ANGPT1: variants seen among roughly 807,000 people sequenced by gnomAD.
The protein encoded by ANGPT1 is angiopoietin 1.
Under a neutral mutation model 62.2 loss-of-function variants are expected in ANGPT1, and 17 were observed. The ratio of observed to expected loss-of-function variants is 0.27; its 90% CI spans 0.19 to 0.41. ANGPT1 has a LOEUF of 0.41. ANGPT1 is among the 10% of genes least tolerant of loss of function. The probability of loss-of-function intolerance (pLI) is 1.00; values close to 1 mark genes in which losing one functional copy is unlikely to be tolerated. For synonymous variants in ANGPT1, 199 were observed against 198.9 expected, an observed-to-expected ratio of 1.00 and a Z score of 0.00; for missense variants, 478 against 594.9, an observed-to-expected ratio of 0.80 and a Z score of 2.04.
intron 1 of ANGPT1, among the ~76,000 whole-genome samples, chr8:107,456,529 T>C (rs986357277): frequency 7.9e-5 from 12 of 152,088 alleles, no homozygotes; most frequent in Non-Finnish European, 1.3e-4. Context: ...ACTAGCTCAA[T>C]TTCTTCTTCA....
intron 1 of ANGPT1, among the ~76,000 whole-genome samples, chr8:107,414,257 C>T (rs886313805): frequency 2.0e-5 from 3 of 151,878 alleles, no homozygotes; most frequent in Non-Finnish European, 1.5e-5. Context: ...CCACATTGAT[C>T]CAGAGATTTA....
At chr8:107,318,094 A>G (rs186574843) in intron 4 of ANGPT1, among the ~76,000 whole-genome samples, 110 of 152,334 alleles carry the variant, frequency 7.2e-4, no homozygotes, top group African/African-American at 2.5e-3. Context: ...GAGCTTTGAC[A>G]TTGTGATAAC....
At chr8:107,349,827 T>C (rs1003586296) in intron 1 of ANGPT1, among the ~76,000 whole-genome samples, 5 of 152,100 alleles carry the variant, frequency 3.3e-5, no homozygotes, top group African/African-American at 1.2e-4. Flanking sequence ...CAAAACTACA[T>C]GGGGAGAATT....
chr8:107,484,818 ATTATG>A, intron 1 of ANGPT1, among the ~76,000 whole-genome samples: 1 of 152,328 alleles, frequency 6.6e-6, no homozygotes, highest in South Asian at 2.1e-4. Flanking sequence ...AGAAAATGTG[ATTATG>A]TTATATCAGT....
Position 107,321,893 on chromosome 8 carries a change from T to G in ANGPT1, c.808+3A>C. 1 of 1,612,772 alleles carries G rather than the reference T, an allele frequency of 6.2e-7. No individual in the cohort carries two copies. The highest frequency in any genetic ancestry group is 8.5e-7 in the Non-Finnish European group (1 of 1,179,020). On this transcript the variant is annotated splice_donor_region_variant and intron_variant, in intron 4 of 8. Coordinates refer to ENST00000517746, the MANE Select transcript of ANGPT1 (RefSeq NM_001146.5). ...AATACCAAAGTGAGGAAGACATTCT[T>G]ACCACCTTCTTTAGTGCAAAGATTG...
intron 1 of ANGPT1, among the ~76,000 whole-genome samples, chr8:107,357,994 G>A (rs1324857208): frequency 6.6e-6 from 1 of 151,992 alleles, no homozygotes; most frequent in Non-Finnish European, 1.5e-5. Flanking sequence ...TTTGTTGGTT[G>A]TCTTTCTCTT....
chr8:107,416,356 T>C (rs1305772837), intron 1 of ANGPT1, among the ~76,000 whole-genome samples: 1 of 152,196 alleles, frequency 6.6e-6, no homozygotes, highest in African/African-American at 2.4e-5. Context: ...TGGTTTATCA[T>C]AAAGGACATT....
chr8:107,440,949 A>T (rs1340065643), intron 1 of ANGPT1, among the ~76,000 whole-genome samples: 2 of 152,246 alleles, frequency 1.3e-5, no homozygotes, highest in Admixed American at 1.3e-4. Context: ...CCTTTTATGT[A>T]CTTGGATAAA....
chr8:107,464,003 A>G (rs1368489), intron 1 of ANGPT1, among the ~76,000 whole-genome samples: 103,021 of 151,424 alleles, frequency 0.68, 35,186 homozygotes, highest in East Asian at 0.79. Context: ...CTGGGACTTA[A>G]CATTTGCTTC....
chr8:107,429,745 G>A (rs1464884240), intron 1 of ANGPT1, among the ~76,000 whole-genome samples: 2 of 151,844 alleles, frequency 1.3e-5, no homozygotes, highest in East Asian at 3.9e-4. Context: ...AATTCCTGGA[G>A]TGTGGTCAAA....
chr8:107,269,694 C>A (rs1048998999), intron 7 of ANGPT1, among the ~76,000 whole-genome samples: 1 of 151,720 alleles, frequency 6.6e-6, no homozygotes, highest in African/African-American at 2.4e-5. Context: ...TAGGGACAGA[C>A]ATAAGGAAGC....
At chr8:107,354,837 G>C (rs1429417424) in intron 1 of ANGPT1, among the ~76,000 whole-genome samples, 1 of 151,148 alleles carries the variant, frequency 6.6e-6, no homozygotes, top group East Asian at 1.9e-4. Flanking sequence ...CCACCTATCT[G>C]TTCATCCAAG....
At chr8:107,287,168 T>C (rs1049788965) in intron 6 of ANGPT1, among the ~76,000 whole-genome samples, 1 of 152,140 alleles carries the variant, frequency 6.6e-6, no homozygotes, top group Non-Finnish European at 1.5e-5. Flanking sequence ...TGATGAAGTG[T>C]TAAGTTTTGG....
At chr8:107,471,583 T>C (rs149005064) in intron 1 of ANGPT1, among the ~76,000 whole-genome samples, 22 of 152,158 alleles carry the variant, frequency 1.4e-4, no homozygotes, top group Admixed American at 7.2e-4. Flanking sequence ...TTCCTGCATA[T>C]CACTGTCCTG....
intron 7 of ANGPT1, among the ~76,000 whole-genome samples, chr8:107,275,510 C>G (rs1424902034): frequency 6.6e-6 from 1 of 152,140 alleles, no homozygotes; most frequent in Non-Finnish European, 1.5e-5. Flanking sequence ...GGTTAGCCCT[C>G]TTTAGTCACA....
chr8:107,304,222 T>G (rs1382499155), intron 4 of ANGPT1, among the ~76,000 whole-genome samples: 1 of 151,766 alleles, frequency 6.6e-6, no homozygotes, highest in African/African-American at 2.4e-5. Context: ...TTTTATTTAC[T>G]GAGCTTTATC....
intron 1 of ANGPT1, among the ~76,000 whole-genome samples, chr8:107,425,416 A>G (rs1811014477): frequency 6.6e-6 from 1 of 152,220 alleles, no homozygotes; most frequent in Non-Finnish European, 1.5e-5. Flanking sequence ...TAGAAAGGTT[A>G]TTCCTTTAAT....
intron 1 of ANGPT1, among the ~76,000 whole-genome samples, chr8:107,473,868 A>T (rs1434761602): frequency 6.6e-6 from 1 of 152,040 alleles, no homozygotes; most frequent in Admixed American, 6.6e-5. Context: ...GGGATTTGCA[A>T]AGGGAACGGG....
intron 1 of ANGPT1, among the ~76,000 whole-genome samples, chr8:107,480,002 G>C (rs1812634159): frequency 6.6e-6 from 1 of 152,080 alleles, no homozygotes; most frequent in South Asian, 2.1e-4. Flanking sequence ...AAAAAAATTT[G>C]CCTAAAAACA....
Sources: allele counts gnomAD v4.1 joint callset (sites outside exome capture counted in the v4.1 genomes callset), GRCh38; gene constraint gnomAD v4.1.1; transcripts MANE v1.5; gene names NCBI Gene and HGNC (gene_info 2026-07-23, HGNC 2026-07-21).